The following CYGB variants were observed in gnomAD, a reference collection of about 807,000 sequenced individuals.
CYGB encodes the protein cytoglobin.
Under a neutral mutation model 20.7 loss-of-function variants are expected in CYGB, and 13 were observed. The observed-to-expected ratio is 0.63, with a 90% CI of 0.41 to 1.00. CYGB has a LOEUF of 1.00. Ranked by LOEUF, CYGB falls within the 50% of genes least tolerant of loss-of-function variation. The pLI is 0.00. For missense variants in CYGB, 218 were observed against 257.2 expected, an observed-to-expected ratio of 0.85 and a Z score of 1.04; for synonymous variants, 93 against 107.4, an observed-to-expected ratio of 0.87 and a Z score of 0.83.
chr17:76,542,921 C>T (rs753397814), intron 1 of CYGB: 10 of 566,380 alleles, frequency 1.8e-5, no homozygotes, highest in East Asian at 4.2e-5. Flanking sequence ...AGGGCAGTGT[C>T]GGAGGACGCC....
chr17:76,545,761 G>T, intron 1 of CYGB: 1 of 231,342 alleles, frequency 4.3e-6, no homozygotes, highest in South Asian at 6.1e-5. Flanking sequence ...AGCATGTTGG[G>T]TAAGTGTCCC....
chr17:76,527,577 C>T lies in CYGB; in HGVS notation c.*1001G>A, dbSNP rs762882409. The T allele has an allele frequency of 1.4e-4, 64 of 448,516 alleles. No homozygotes were observed. The highest frequency in any genetic ancestry group is 7.0e-4 in the Middle Eastern group (1 of 1,424). 27.8% of individuals were successfully genotyped at this position (448,516 alleles called of 1,614,324 possible). ...CGGGGGGCCCCCCTGGCAAGCCTGA[C>T]GCAGATGAATAGACAGGGCCGACTG... On this transcript the variant is annotated 3_prime_UTR_variant, in exon 4 of 4. Coordinates refer to ENST00000293230, the MANE Select transcript of CYGB (RefSeq NM_134268.5).
At position 76,544,660 on chromosome 17, in the gene CYGB, G is replaced by A. The variant is rs971307074; in HGVS notation, c.-53+6202C>T. On this transcript the variant is annotated intron_variant, in intron 1 of 3. Transcript: ENST00000589145. ...GCCTGTCTCTCTCTTTGGAGGCATC[G>A]GCCTTCCTGGTGACAGGCCTGTCAG... 3.5e-5 allele frequency: 16 copies of A among 456,660 alleles called. No homozygotes were observed. The highest frequency in any genetic ancestry group is 5.7e-5 in the Non-Finnish European group (13 of 226,992). 28.3% of individuals were successfully genotyped at this position (456,660 alleles called of 1,614,324 possible).
chr17:76,534,146 T>TTCTCTTTCTCTCTCTCTCTCTCTCTC (rs2074886102), intron 1 of CYGB, among the ~76,000 whole-genome samples: 1 of 128,900 alleles, frequency 7.8e-6, no homozygotes, highest in Non-Finnish European at 1.7e-5. Flanking sequence ...CTCTTTCTCT[T>TTCTCTTTCTCTCTCTCTCTCTCTCTC]TCTCTCTCTC....
At position 76,531,163 on chromosome 17, in the gene CYGB, G is replaced by A. The variant is rs1339545047; in HGVS notation, c.376-21C>T. On this transcript the variant is annotated intron_variant, in intron 2 of 3. Coordinates refer to ENST00000293230, the MANE Select transcript of CYGB (RefSeq NM_134268.5). This position sits in a 1 kb window ranked among gnomAD's most constrained non-coding sequence, Gnocchi z 7.4. ...AGGATCTGGGGGCAAAGGGAGGAAG[G>A]GGGAGTGAACGCCCGGGCGCCCTGC... 3 of 1,607,204 alleles carry A rather than the reference G, an allele frequency of 1.9e-6. No homozygotes were observed. The highest frequency in any genetic ancestry group is 2.2e-5 in the East Asian group (1 of 44,720).
At chr17:76,545,530 G>A (rs886289750) in intron 1 of CYGB, 7 of 359,114 alleles carry the variant, frequency 1.9e-5, no homozygotes, top group African/African-American at 1.5e-4. Flanking sequence ...TCTGGTCTAG[G>A]GTGCTGGCTA....
rs950410483 is a variant in CYGB, at chr17:76,534,000, C to A, written c.144-2309G>T. Reference sequence around the variant, plus strand: ...CTGCCATGAGCCATGATGGCGCCACCGTACTCCAGCTTGGGTGACAGAGCA... The same window carrying A: ...CTGCCATGAGCCATGATGGCGCCACAGTACTCCAGCTTGGGTGACAGAGCA... On this transcript the variant is annotated intron_variant, in intron 1 of 3. Coordinates refer to ENST00000293230, the MANE Select transcript of CYGB (RefSeq NM_134268.5). The surrounding 1 kb of genome is among the most constrained non-coding windows in gnomAD (Gnocchi z 4.5). 4.6e-5 allele frequency among the ~76,000 whole-genome samples: 7 copies of A among 151,406 alleles called. No individual in the cohort carries two copies. The highest frequency in any genetic ancestry group is 1.7e-4 in the African/African-American group (7 of 41,158).
chr17:76,539,242 G>C (rs1263397352), upstream of CYGB, among the ~76,000 whole-genome samples: 1 of 152,222 alleles, frequency 6.6e-6, no homozygotes, highest in Non-Finnish European at 1.5e-5. Context: ...AAGTTGGTGT[G>C]ACCAAGTGGC....
upstream of CYGB, among the ~76,000 whole-genome samples, chr17:76,541,827 A>G (rs2074996119): frequency 6.6e-6 from 1 of 152,184 alleles, no homozygotes; most frequent in Non-Finnish European, 1.5e-5. Flanking sequence ...TACTAATGGA[A>G]AGACTATGGG....
upstream of CYGB, among the ~76,000 whole-genome samples, chr17:76,540,855 CAG>C (rs2074983835): frequency 6.6e-6 from 1 of 152,354 alleles, no homozygotes; most frequent in Non-Finnish European, 1.5e-5. The surrounding 1 kb of genome is among the most constrained non-coding windows in gnomAD (Gnocchi z 5.0). Context: ...TCAGAAGGCA[CAG>C]GGGAGTGGAA....
At position 76,531,421 on chromosome 17, in the gene CYGB, G is replaced by A. The variant is rs773653945; in HGVS notation, c.375+39C>T. 2.4e-5 allele frequency: 38 copies of A among 1,586,468 alleles called. No homozygotes were observed. In the East Asian group the frequency reaches 4.5e-4, roughly 19 times the overall value. On this transcript the variant is annotated intron_variant, in intron 2 of 3. Coordinates refer to ENST00000293230, the MANE Select transcript of CYGB (RefSeq NM_134268.5). This position sits in a 1 kb window ranked among gnomAD's most constrained non-coding sequence, Gnocchi z 7.4. ...TGCGAGCTGCAGATGGCCATGACGCGTGGGCGGTGGGGGCTCTGCAGCAGA... is the reference window on the plus strand; with the variant it reads ...TGCGAGCTGCAGATGGCCATGACGCATGGGCGGTGGGGGCTCTGCAGCAGA...
rs1382231574 is a variant in CYGB, at chr17:76,543,789, T to A, written c.-53+7073A>T. ...ACAGTGGCACTCGCTTTTGTGTCAT[T>A]TGCCTTTCCCCAGTTCCCAGAGCTC... On this transcript the variant is annotated intron_variant, in intron 1 of 3. Transcript: ENST00000589145. The A allele has an allele frequency of 8.5e-6, 4 of 470,784 alleles. No homozygotes were observed. In the East Asian group the frequency reaches 2.8e-4, roughly 33 times the overall value. 29.2% of individuals were successfully genotyped at this position (470,784 alleles called of 1,614,324 possible).
In CYGB at chr17:76,530,854, T is replaced by C; in HGVS notation, c.539+125A>G. ...GTTCTTACATGTCAGACCCCAGGGT[T>C]GGCCTGCCTCAAGTGTGCCTGCCCA... is the stretch of plus-strand genomic sequence containing the variant. On this transcript the variant is annotated intron_variant, in intron 3 of 3. Coordinates refer to ENST00000293230, the MANE Select transcript of CYGB (RefSeq NM_134268.5). This position sits in a 1 kb window ranked among gnomAD's most constrained non-coding sequence, Gnocchi z 6.1. 2 of 1,077,864 alleles carry C rather than the reference T, an allele frequency of 1.9e-6. No homozygotes were observed. Among genetic ancestry groups the C allele is most frequent in the Non-Finnish European group, 2.6e-6 (2 of 766,686 alleles). The allele number at this position is 1,077,864 out of a possible 1,614,324, so 66.8% of individuals were successfully genotyped here. A position where few individuals can be genotyped will look rare whatever the true frequency, so the allele number is the denominator to read the frequency against.
chr17:76,542,999 G>A lies in CYGB; in HGVS notation c.-53+7863C>T, dbSNP rs1445464007. ...AGTCCCATCCCCAGGTGTGGGAGAAGTGCTGATCTGCTCTGGTTTTCTGTT... is the reference window on the plus strand; with the variant it reads ...AGTCCCATCCCCAGGTGTGGGAGAAATGCTGATCTGCTCTGGTTTTCTGTT... On this transcript the variant is annotated intron_variant, in intron 1 of 3. Coordinates refer to the CYGB transcript ENST00000589145. 6.2e-6 allele frequency: 3 copies of A among 485,242 alleles called. No individual in the cohort carries two copies. The Admixed American group carries it at 7.0e-5, about 11-fold the overall frequency. The allele number at this position is 485,242 out of a possible 1,614,324, so 30.1% of individuals were successfully genotyped here. A position where few individuals can be genotyped will look rare whatever the true frequency, so the allele number is the denominator to read the frequency against.
At chr17:76,547,662 CATAT>C (rs374150984) in intron 1 of CYGB, among the ~76,000 whole-genome samples, 2 of 133,672 alleles carry the variant, frequency 1.5e-5, no homozygotes, top group Admixed American at 7.6e-5. Context: ...CACACACACA[CATAT>C]TCACACACAG....
chr17:76,528,210 G>A lies in CYGB; in HGVS notation c.*368C>T. Reference sequence around the variant, plus strand: ...AGATGTGTGCGTGATACTCTAGATGGTGATGTGGAGACCTGCATGCTGGCC... The same window carrying A: ...AGATGTGTGCGTGATACTCTAGATGATGATGTGGAGACCTGCATGCTGGCC... On this transcript the variant is annotated 3_prime_UTR_variant, in exon 4 of 4. Coordinates refer to ENST00000293230, the MANE Select transcript of CYGB (RefSeq NM_134268.5). The surrounding 1 kb of genome is among the most constrained non-coding windows in gnomAD (Gnocchi z 5.8). The A allele has an allele frequency of 2.5e-6, 1 of 398,184 alleles. No homozygotes were observed. Among genetic ancestry groups the A allele is most frequent in the Non-Finnish European group, 4.4e-6 (1 of 226,418 alleles). 24.7% of individuals were successfully genotyped at this position (398,184 alleles called of 1,614,324 possible).
chr17:76,539,986 C>T (rs1303074838), upstream of CYGB: 4 of 745,010 alleles, frequency 5.4e-6, no homozygotes, highest in South Asian at 1.7e-5. Context: ...AGGTCGGGGC[C>T]GCTGACCCAC....
intron 1 of CYGB, among the ~76,000 whole-genome samples, chr17:76,534,704 C>T (rs906159371): frequency 3.3e-5 from 5 of 152,126 alleles, no homozygotes; most frequent in Non-Finnish European, 7.4e-5. Context: ...CAGGCAGGCC[C>T]GCTTTGACAG....
At chr17:76,537,286 C>T in intron 1 of CYGB, 114 bp downstream of exon 1, 2 of 1,227,220 alleles carry the variant, frequency 1.6e-6, no homozygotes, top group Admixed American at 4.1e-5. Context: ...CGGACCGGCC[C>T]CATTCGCGGC....
Sources: gnomAD v4.1 joint callset for allele counts (sites outside exome capture counted in the v4.1 genomes callset) on GRCh38, gnomAD v4.1.1 for gene constraint, Gnocchi (gnomAD v3.1) non-coding constraint, MANE v1.5 for transcripts, NCBI Gene and HGNC (gene_info 2026-07-23, HGNC 2026-07-21) for gene names.